PHTF2: variants seen among roughly 807,000 people sequenced by gnomAD.
PHTF2 encodes putative homeodomain transcription factor 2, also known as protein PHTF2.
In PHTF2, 60 loss-of-function variants were observed where a neutral mutation model predicts 101.2. The ratio of observed to expected loss-of-function variants is 0.59; its 90% CI spans 0.48 to 0.73. The LOEUF is 0.73. PHTF2 is among the 30% of genes least tolerant of loss of function. The pLI, the probability that PHTF2 is intolerant of heterozygous loss-of-function variation, is 0.00. For synonymous variants in PHTF2, 311 were observed against 307.3 expected, an observed-to-expected ratio of 1.01 and a Z score of -0.13; for missense variants, 747 against 908.7, an observed-to-expected ratio of 0.82 and a Z score of 2.29.
chr7:77,863,209 T>C (rs552432772), intron 3 of PHTF2, among the ~76,000 whole-genome samples: 1 of 152,360 alleles, frequency 6.6e-6, no homozygotes, highest in South Asian at 2.1e-4. Context: ...TGGATTCGAA[T>C]TACAAAGAGT....
intron 17 of PHTF2, among the ~76,000 whole-genome samples, chr7:77,950,258 T>C (rs1206474450): frequency 6.6e-6 from 1 of 152,226 alleles, no homozygotes; most frequent in African/African-American, 2.4e-5. Flanking sequence ...AAGAAACTTA[T>C]TCTCATGAAT....
At chr7:77,885,084 A>AT (rs903325108) in intron 3 of PHTF2, among the ~76,000 whole-genome samples, 51 of 151,692 alleles carry the variant, frequency 3.4e-4, no homozygotes, top group African/African-American at 8.2e-4. Flanking sequence ...TTTTTTTAAA[A>AT]TTTTTTTTTG....
Position 77,922,791 on chromosome 7 carries a change from T to A in PHTF2, c.1119+13T>A. ...TTACCCTAATGAGGTATATACTTTG[T>A]CCTTAAGTGTATACATACGTATCTA... is the stretch of plus-strand genomic sequence containing the variant. On this transcript the variant is annotated intron_variant, in intron 11 of 19. Transcript: ENST00000416283. The A allele has an allele frequency of 6.5e-7, 1 of 1,530,270 alleles. No individual in the cohort carries two copies. Among genetic ancestry groups the A allele is most frequent in the Non-Finnish European group, 8.9e-7 (1 of 1,117,358 alleles). 94.8% of individuals were successfully genotyped at this position (1,530,270 alleles called of 1,614,324 possible).
chr7:77,809,224 G>GTTTTTTTTTTTT (rs34141515), intron 1 of PHTF2, among the ~76,000 whole-genome samples: 1,426 of 98,414 alleles, frequency 0.014, 69 homozygotes, highest in African/African-American at 0.025. Flanking sequence ...CCAGTTCGTT[G>GTTTTTTTTTTTT]TTTTTTTTTT....
chr7:77,846,845 G>T (rs1220681795), intron 2 of PHTF2, among the ~76,000 whole-genome samples: 1 of 151,870 alleles, frequency 6.6e-6, no homozygotes, highest in Non-Finnish European at 1.5e-5. Flanking sequence ...GTCTTGCTCT[G>T]TTGCCCAAGT....
At chr7:77,895,159 G>T in intron 5 of PHTF2, 1 of 456,052 alleles carries the variant, frequency 2.2e-6, no homozygotes, top group South Asian at 1.6e-5. Context: ...AGGGACATTT[G>T]AGAGTTCTCA....
intron 3 of PHTF2, among the ~76,000 whole-genome samples, chr7:77,889,793 G>T (rs1211028856): frequency 6.6e-6 from 1 of 151,802 alleles, no homozygotes; most frequent in Non-Finnish European, 1.5e-5. Flanking sequence ...TAGAGACAGG[G>T]TTTCACTGTG....
chr7:77,889,715 T>G (rs1800203289), intron 3 of PHTF2, among the ~76,000 whole-genome samples: 1 of 151,236 alleles, frequency 6.6e-6, no homozygotes, highest in African/African-American at 2.4e-5. Flanking sequence ...CTCAGCCTCC[T>G]GAGTAGTGGG....
intron 13 of PHTF2, among the ~76,000 whole-genome samples, chr7:77,938,833 G>A (rs1314282126): frequency 3.9e-5 from 6 of 152,172 alleles, no homozygotes; most frequent in Non-Finnish European, 4.4e-5. Context: ...CTCTGGACTT[G>A]TTTTTAACTT....
intron 1 of PHTF2, among the ~76,000 whole-genome samples, chr7:77,831,051 A>C (rs1795040244): frequency 6.6e-6 from 1 of 152,252 alleles, no homozygotes; most frequent in African/African-American, 2.4e-5. Context: ...ATTTAAAAGA[A>C]AACACCAAGA....
At chr7:77,933,048 C>A (rs1475592653) in intron 12 of PHTF2, among the ~76,000 whole-genome samples, 1 of 152,006 alleles carries the variant, frequency 6.6e-6, no homozygotes, top group African/African-American at 2.4e-5. Context: ...ATCATCCTGG[C>A]TAACACGGTG....
rs548564936 is a variant in PHTF2 at position 77,931,442 on chromosome 7, A to G, written c.1338+2115A>G. Among the ~76,000 whole-genome samples the G allele has an allele frequency of 2.0e-5, 3 of 152,368 alleles. No individual in the cohort carries two copies. The East Asian group carries it at 5.8e-4, about 29-fold the overall frequency. On this transcript the variant is annotated intron_variant, in intron 12 of 19. Transcript: ENST00000416283. The stretch of plus-strand genomic sequence containing the variant: ...AATAGAAAAATAAAAGGATGTGAAC[A>G]GGTCCCCTGATGGCTAATAAAATAT...
At chr7:77,882,354 C>A (rs1201770903) in intron 3 of PHTF2, among the ~76,000 whole-genome samples, 2 of 144,486 alleles carry the variant, frequency 1.4e-5, no homozygotes, top group African/African-American at 2.7e-5. Context: ...GATTTCAAAT[C>A]TTAAAAAAAA....
intron 3 of PHTF2, among the ~76,000 whole-genome samples, chr7:77,881,918 T>C (rs1799456860): frequency 6.6e-6 from 1 of 152,240 alleles, no homozygotes; most frequent in South Asian, 2.1e-4. Flanking sequence ...TTTTTTTCTT[T>C]GGATTTATAA....
At chr7:77,912,735 T>C (rs1802521552) in intron 9 of PHTF2, among the ~76,000 whole-genome samples, 1 of 96,658 alleles carries the variant, frequency 1.0e-5, no homozygotes, top group Non-Finnish European at 2.0e-5. Flanking sequence ...TTTTTTTTTT[T>C]TTTTTTTTTT....
intron 1 of PHTF2, among the ~76,000 whole-genome samples, chr7:77,806,548 TTAAG>T (rs1403448761): frequency 6.6e-6 from 1 of 152,158 alleles, no homozygotes; most frequent in Non-Finnish European, 1.5e-5. Flanking sequence ...ATGTTTATAT[TTAAG>T]TGAGTTTCTG....
intron 3 of PHTF2, among the ~76,000 whole-genome samples, chr7:77,888,330 G>T (rs1372442138): frequency 2.0e-5 from 3 of 152,122 alleles, no homozygotes; most frequent in Non-Finnish European, 2.9e-5. Flanking sequence ...TGGCCAGGCT[G>T]GTCTGAATGG....
chr7:77,920,253 A>G (rs922079045), intron 9 of PHTF2, 26 bp from the exon 9 acceptor site: 1 of 1,318,442 alleles, frequency 7.6e-7, no homozygotes. Flanking sequence ...AAGTCCAAAC[A>G]TTCTTCTGCA....
chr7:77,939,947 T>C, intron 13 of PHTF2, 83 bp from the exon 13 acceptor site: 1 of 994,888 alleles, frequency 1.0e-6, no homozygotes, highest in Non-Finnish European at 1.5e-6. Flanking sequence ...TGATTTCATA[T>C]TGCTATAAAT....
Sources: allele counts gnomAD v4.1 joint callset (sites outside exome capture counted in the v4.1 genomes callset), GRCh38; gene constraint gnomAD v4.1.1; transcripts MANE v1.5; gene names NCBI Gene and HGNC (gene_info 2026-07-23, HGNC 2026-07-21).